FKBP1A: variants seen among roughly 807,000 people sequenced by gnomAD.
FKBP1A encodes peptidyl-prolyl cis-trans isomerase FKBP1A.
Under a neutral mutation model 14.2 loss-of-function variants are expected in FKBP1A, and 5 were observed. That is an observed-to-expected ratio of 0.35 (90% CI 0.18 to 0.74). FKBP1A has a LOEUF of 0.74. Ranked by LOEUF, FKBP1A falls within the 30% of genes least tolerant of loss-of-function variation. FKBP1A has a pLI of 0.56. For missense variants in FKBP1A, 53 were observed against 138.8 expected (o/e 0.38, Z 3.10); for synonymous variants, 42 against 49.1 (o/e 0.86, Z 0.60).
At chr20:1,373,499 G>C (rs1034434218) in intron 3 of FKBP1A, among the ~76,000 whole-genome samples, 5 of 152,188 alleles carry the variant, frequency 3.3e-5, no homozygotes, top group Non-Finnish European at 7.3e-5. Flanking sequence ...CCTTCTTCCT[G>C]TGTTTTTAAC....
At position 1,388,213 on chromosome 20, in the gene FKBP1A, C is replaced by T. The variant is rs114134932; in HGVS notation, c.85+4621G>A. ...CTATTCAGACACTTAAAAGATTAAACATCCGGTTCAGAAAATCAAGGCAGG... is the reference window on the plus strand; with the variant it reads ...CTATTCAGACACTTAAAAGATTAAATATCCGGTTCAGAAAATCAAGGCAGG... On this transcript the variant is annotated intron_variant, in intron 2 of 4. Coordinates refer to ENST00000400137, the MANE Select transcript of FKBP1A (RefSeq NM_000801.5). Among the ~76,000 whole-genome samples, 1,211 of 152,326 alleles carry T rather than the reference C, an allele frequency of 8.0e-3. 17 individuals are homozygous for T. Among genetic ancestry groups the T allele is most frequent in the African/African-American group, 0.027 (1,126 of 41,578 alleles).
rs1019254320 is a variant in FKBP1A at position 1,371,013 on chromosome 20, T to C, written c.*37-941A>G. 3.8e-5 allele frequency: 37 copies of C among 985,370 alleles called. 1 individual carries two copies. The Admixed American group carries it at 1.0e-3, about 28-fold the overall frequency. 61.0% of individuals were successfully genotyped at this position (985,370 alleles called of 1,614,324 possible). A position where few individuals can be genotyped will look rare whatever the true frequency, so the allele number is the denominator to read the frequency against. The stretch of plus-strand genomic sequence containing the variant: ...TCAAACAGAGAGTTTAAAAAGCCCC[T>C]CCACTTACAGATGTGCACAACAGGA... On this transcript the variant is annotated intron_variant, in intron 4 of 4. Coordinates refer to ENST00000400137, the MANE Select transcript of FKBP1A (RefSeq NM_000801.5).
At chr20:1,372,292 C>G in intron 3 of FKBP1A, 52 bp from the exon 4 acceptor site, 1 of 1,590,422 alleles carries the variant, frequency 6.3e-7, no homozygotes, top group Non-Finnish European at 8.6e-7. Context: ...CCCCAACTGT[C>G]TCTGTAAGAA....
chr20:1,386,967 G>A lies in FKBP1A; in HGVS notation c.85+5867C>T, dbSNP rs1191412842. ...AGTAAAAATAAACAAATGTCACCAT[G>A]AGCACCAAAGGGAGAACTGAATGCT... On this transcript the variant is annotated intron_variant, in intron 2 of 4. Coordinates refer to ENST00000400137, the MANE Select transcript of FKBP1A (RefSeq NM_000801.5). The surrounding 1 kb of genome is among the most constrained non-coding windows in gnomAD (Gnocchi z 4.7). 6.6e-6 allele frequency among the ~76,000 whole-genome samples: 1 copy of A among 152,174 alleles called. No homozygotes were observed. The highest frequency in any genetic ancestry group is 1.5e-5 in the Non-Finnish European group (1 of 68,032).
chr20:1,383,699 AAAAAT>A (rs909205158), intron 2 of FKBP1A, among the ~76,000 whole-genome samples: 6 of 130,700 alleles, frequency 4.6e-5, no homozygotes, highest in South Asian at 2.7e-4. Flanking sequence ...AAAAAAAAAA[AAAAAT>A]TTAGCCAGAC....
At chr20:1,383,619 G>A (rs966240511) in intron 2 of FKBP1A, among the ~76,000 whole-genome samples, 1 of 149,016 alleles carries the variant, frequency 6.7e-6, no homozygotes, top group Non-Finnish European at 1.5e-5. Context: ...AGACTGGCAT[G>A]AGTTTGCAAC....
intron 2 of FKBP1A, chr20:1,377,682 G>A (rs2089565537): frequency 6.6e-6 from 1 of 152,250 alleles, no homozygotes; most frequent in Non-Finnish European, 1.5e-5. Flanking sequence ...AGAGGTAAGG[G>A]TGAGAGCAGG....
At chr20:1,381,983 T>C (rs950836833) in intron 2 of FKBP1A, among the ~76,000 whole-genome samples, 2 of 152,182 alleles carry the variant, frequency 1.3e-5, no homozygotes, top group Admixed American at 6.5e-5. Context: ...ATTTTTAAAA[T>C]GTGCAGTATA....
chr20:1,370,905 G>C, intron 4 of FKBP1A: 4 of 985,496 alleles, frequency 4.1e-6, no homozygotes, highest in Non-Finnish European at 3.6e-6. Flanking sequence ...TAAAGTGCCA[G>C]GGATTCCCTC....
intron 2 of FKBP1A, among the ~76,000 whole-genome samples, chr20:1,383,569 G>A (rs547628514): frequency 1.0e-3 from 159 of 151,958 alleles, no homozygotes; most frequent in Admixed American, 2.9e-3. Flanking sequence ...CAGTGCTTTG[G>A]AAGGCCAAGG....
In FKBP1A at chr20:1,369,445, T is replaced by G. The variant is rs2089432020; in HGVS notation, c.*664A>C. On this transcript the variant is annotated 3_prime_UTR_variant, in exon 5 of 5. Coordinates refer to ENST00000400137, the MANE Select transcript of FKBP1A (RefSeq NM_000801.5). ...CTGCTGGCCCAGGGACAGATACCTG[T>G]AGTGTCCAGCATTGCAGTGAACATG... The G allele has an allele frequency of 6.6e-6, 1 of 150,708 alleles. No individual in the cohort carries two copies. Among genetic ancestry groups the G allele is most frequent in the Admixed American group, 8.5e-5 (1 of 11,728 alleles). 9.3% of individuals were successfully genotyped at this position (150,708 alleles called of 1,614,324 possible).
At chr20:1,370,097 G>A (rs1447975505) in intron 4 of FKBP1A, 25 bp from the exon 5 acceptor site, 3 of 1,544,682 alleles carry the variant, frequency 1.9e-6, no homozygotes, top group South Asian at 2.4e-5. Context: ...AAATCTGTGA[G>A]TTTCCAGCAA....
intron 3 of FKBP1A, among the ~76,000 whole-genome samples, chr20:1,373,808 T>C (rs1037815916): frequency 6.6e-6 from 1 of 151,998 alleles, no homozygotes; most frequent in Non-Finnish European, 1.5e-5. Context: ...GCATGAAAGA[T>C]GGGGGATGGG....
intron 2 of FKBP1A, among the ~76,000 whole-genome samples, chr20:1,391,988 A>C (rs565733833): frequency 7.2e-4 from 110 of 152,212 alleles, no homozygotes; most frequent in South Asian, 2.3e-3. Flanking sequence ...AGACAGCCCC[A>C]AGGCACACGA....
At position 1,379,325 on chromosome 20, in the gene FKBP1A, G is replaced by A. The variant is rs1192749421; in HGVS notation, c.86-3722C>T. ...ATCTATCTGACTGGTACCAGGCTAG[G>A]AGCACTAGGCAGGACACAGCCTGAA... On this transcript the variant is annotated intron_variant, in intron 2 of 4. Coordinates refer to ENST00000400137, the MANE Select transcript of FKBP1A (RefSeq NM_000801.5). The surrounding 1 kb of genome is among the most constrained non-coding windows in gnomAD (Gnocchi z 4.3). Among the ~76,000 whole-genome samples the A allele has an allele frequency of 6.6e-6, 1 of 152,156 alleles. No homozygotes were observed. Among genetic ancestry groups the A allele is most frequent in the East Asian group, 1.9e-4 (1 of 5,196 alleles).
chr20:1,384,242 T>C (rs573754617), intron 2 of FKBP1A, among the ~76,000 whole-genome samples: 2 of 152,282 alleles, frequency 1.3e-5, no homozygotes, highest in African/African-American at 2.4e-5. Flanking sequence ...TTAAATAGTA[T>C]GTAAATCAAT....
chr20:1,392,121 T>A (rs2089745023), intron 2 of FKBP1A, among the ~76,000 whole-genome samples: 1 of 152,242 alleles, frequency 6.6e-6, no homozygotes, highest in Non-Finnish European at 1.5e-5. Context: ...AAGTCTCTAC[T>A]TCTAGAAGAG....
intron 2 of FKBP1A, among the ~76,000 whole-genome samples, chr20:1,380,307 C>G (rs1386935496): frequency 6.6e-6 from 1 of 152,092 alleles, no homozygotes; most frequent in Non-Finnish European, 1.5e-5. Flanking sequence ...GAGAGCTATA[C>G]AGAGATCCCC....
At position 1,369,698 on chromosome 20, in the gene FKBP1A, A is replaced by C. The variant is rs146670225; in HGVS notation, c.*411T>G. 915 of 205,090 alleles carry C rather than the reference A, an allele frequency of 4.5e-3. 32 individuals are homozygous for C. In the Admixed American group the frequency reaches 0.047, roughly 11 times the overall value. 12.7% of individuals were successfully genotyped at this position (205,090 alleles called of 1,614,324 possible). A position where few individuals can be genotyped will look rare whatever the true frequency, so the allele number is the denominator to read the frequency against. Reference sequence around the variant, plus strand: ...TAATAGATAAAAATTTCATCCAAAAAATTAAAATAAAATATTCTTGCAAAC... The same window carrying C: ...TAATAGATAAAAATTTCATCCAAAACATTAAAATAAAATATTCTTGCAAAC... On this transcript the variant is annotated 3_prime_UTR_variant, in exon 5 of 5. Transcript: ENST00000400137.
Sources: allele counts gnomAD v4.1 joint callset (sites outside exome capture counted in the v4.1 genomes callset), GRCh38; gene constraint gnomAD v4.1.1; non-coding constraint Gnocchi (gnomAD v3.1); transcripts MANE v1.5; gene names NCBI Gene and HGNC (gene_info 2026-07-23, HGNC 2026-07-21).